Variants in COL4A2 observed in about 807,000 individuals in gnomAD.
COL4A2 encodes the protein collagen alpha-2(IV) chain.
COL4A2 carries 99 observed loss-of-function variants against 200.2 expected under a neutral mutation model. The observed-to-expected ratio is 0.49, with a 90% CI of 0.42 to 0.58. COL4A2 has a LOEUF of 0.58. COL4A2 is among the 20% of genes least tolerant of loss of function. The pLI, the probability that COL4A2 is intolerant of heterozygous loss-of-function variation, is 0.00. For synonymous variants in COL4A2, 897 were observed against 900.6 expected (o/e 1.00, Z 0.07); for missense variants, 1,950 against 2,314.1 (o/e 0.84, Z 3.23).
At chr13:110,325,050 G>A (rs370285433) in intron 3 of COL4A2, among the ~76,000 whole-genome samples, 12 of 152,338 alleles carry the variant, frequency 7.9e-5, no homozygotes, top group African/African-American at 4.8e-5. Context: ...ACATGCACAA[G>A]GAGGATGGGG....
intron 3 of COL4A2, among the ~76,000 whole-genome samples, chr13:110,350,506 T>A (rs1341782983): frequency 6.6e-6 from 1 of 152,094 alleles, no homozygotes; most frequent in African/African-American, 2.4e-5. Context: ...CAAAGCAAGG[T>A]CCAAGGGCCA....
Position 110,506,603 on chromosome 13 carries a change from C to T in COL4A2, c.4591C>T (p.Leu1531=), listed in dbSNP as rs1883892472. Residue 1531 remains leucine (L), a synonymous_variant, in exon 46 of 48, where the codon CTG becomes TTG. Transcript: ENST00000360467. ...EGQEKAHNQD[L]GLAGSCLARF... ...CCAGGAGAAGGCGCACAACCAGGAC[C>T]TGGGTAGGTACCTCCCACCCGGCCC... 4 of 1,607,692 alleles carry T rather than the reference C, an allele frequency of 2.5e-6. No individual in the cohort carries two copies. The highest frequency in any genetic ancestry group is 2.7e-5 in the African/African-American group (2 of 74,862).
chr13:110,381,857 C>A (rs183385280), intron 4 of COL4A2, among the ~76,000 whole-genome samples: 65 of 152,264 alleles, frequency 4.3e-4, no homozygotes, highest in Non-Finnish European at 3.4e-4. Context: ...GTGATGATAA[C>A]CCCACTCCCT....
intron 30 of COL4A2, among the ~76,000 whole-genome samples, chr13:110,479,189 T>A (rs1432136888): frequency 1.3e-5 from 2 of 152,122 alleles, no homozygotes; most frequent in Non-Finnish European, 1.5e-5. Flanking sequence ...GAACACAGCG[T>A]CGTGTGGTGC....
intron 3 of COL4A2, among the ~76,000 whole-genome samples, chr13:110,335,041 C>T (rs768570231): frequency 6.6e-6 from 1 of 152,110 alleles, no homozygotes; most frequent in Non-Finnish European, 1.5e-5. Context: ...GCCCTGATCC[C>T]TGGGCATCTT....
chr13:110,419,567 G>A (rs1448351207), intron 4 of COL4A2, among the ~76,000 whole-genome samples: 2 of 152,204 alleles, frequency 1.3e-5, no homozygotes, highest in African/African-American at 4.8e-5. Flanking sequence ...TCTTTTCTCA[G>A]AAGTGAAATT....
chr13:110,381,358 C>T (rs1878485819), intron 4 of COL4A2, among the ~76,000 whole-genome samples: 1 of 152,278 alleles, frequency 6.6e-6, no homozygotes, highest in South Asian at 2.1e-4. Flanking sequence ...CTGGCGTCCC[C>T]TTTCCTTGAC....
At chr13:110,349,688 G>A (rs58900271) in intron 3 of COL4A2, among the ~76,000 whole-genome samples, 13,223 of 152,124 alleles carry the variant, frequency 0.087, 1,904 homozygotes, top group African/African-American at 0.3. Flanking sequence ...ACTCACCAAG[G>A]AATCTAGATT....
chr13:110,466,740 G>A (rs904005996), intron 26 of COL4A2, among the ~76,000 whole-genome samples: 3 of 152,178 alleles, frequency 2.0e-5, no homozygotes, highest in Admixed American at 6.5e-5. Flanking sequence ...AGATTAACTC[G>A]GTTTGCACCC....
intron 4 of COL4A2, among the ~76,000 whole-genome samples, chr13:110,388,859 T>G (rs1673067786): frequency 6.6e-6 from 1 of 152,220 alleles, no homozygotes; most frequent in African/African-American, 2.4e-5. Flanking sequence ...CCTCGTGTGA[T>G]CCCACAGGCC....
Position 110,465,014 on chromosome 13 carries a change from A to T in COL4A2, c.1777-391A>T, listed in dbSNP as rs1364880970. On this transcript the variant is annotated intron_variant, in intron 24 of 47. Coordinates refer to ENST00000360467, the MANE Select transcript of COL4A2 (RefSeq NM_001846.4). The stretch of plus-strand genomic sequence containing the variant: ...TAACAACGTAGCATCTCTTAAAATA[A>T]CAGCCATTTTACCGATGCTAAATTA... 2.0e-5 allele frequency among the ~76,000 whole-genome samples: 3 copies of T among 152,228 alleles called. No individual in the cohort carries two copies. In the East Asian group the frequency reaches 5.8e-4, roughly 29 times the overall value.
intron 3 of COL4A2, among the ~76,000 whole-genome samples, chr13:110,315,794 A>C (rs559003227): frequency 5.1e-4 from 78 of 152,288 alleles, no homozygotes; most frequent in South Asian, 8.3e-4. Context: ...TCATGGAATG[A>C]TTCATGGGTA....
In COL4A2 at chr13:110,503,296, T is replaced by C. The variant is rs1310754074; in HGVS notation, c.4039+14T>C. ...CAGGAGAAAAAGGTAACAGTGCCCA[T>C]GGCCATGGGCCAGCAGCCCTGGCCA... On this transcript the variant is annotated intron_variant, in intron 42 of 47. Transcript: ENST00000360467. 1 of 1,599,302 alleles carries C rather than the reference T, an allele frequency of 6.3e-7. No homozygotes were observed. Among genetic ancestry groups the C allele is most frequent in the Non-Finnish European group, 8.5e-7 (1 of 1,173,690 alleles).
chr13:110,491,394 C>A, intron 37 of COL4A2, 54 bp downstream of exon 37: 2 of 1,243,714 alleles, frequency 1.6e-6, no homozygotes, highest in Non-Finnish European at 2.3e-6. Flanking sequence ...CCGGAGACCC[C>A]AGAACAAAGG....
intron 4 of COL4A2, among the ~76,000 whole-genome samples, chr13:110,390,368 C>T (rs995115911): frequency 3.9e-5 from 6 of 152,228 alleles, no homozygotes; most frequent in Non-Finnish European, 7.3e-5. Flanking sequence ...CCAAAGGTCA[C>T]GCAGTGACCC....
Position 110,511,950 on chromosome 13 carries a change from A to G in COL4A2, c.4898A>G (p.Asp1633Gly), listed in dbSNP as rs1409172276. 1.2e-6 allele frequency: 2 copies of G among 1,613,434 alleles called. No individual in the cohort carries two copies. The highest frequency in any genetic ancestry group is 2.7e-5 in the African/African-American group (2 of 75,028). Residue 1633 changes from aspartate to glycine, a missense_variant, in exon 48 of 48, where the codon GAC becomes GGC. Asp to Gly is a moderately conservative substitution (Grantham distance 94). Around this residue, in one of 2 missense-constraint regions of COL4A2, gnomAD observed 1,385 missense variants for 1,720.5 expected, o/e 0.80. Coordinates refer to ENST00000360467, the MANE Select transcript of COL4A2 (RefSeq NM_001846.4). Reference sequence around the variant, plus strand: ...TCTGTGCAGCACACGGCGGCGGGAGACGAAGGCGGTGGCCAATCACTGGTG... The same window carrying G: ...TCTGTGCAGCACACGGCGGCGGGAGGCGAAGGCGGTGGCCAATCACTGGTG... ...YSFLMHTAAG[D>G]EGGGQSLVSP...
intron 3 of COL4A2, among the ~76,000 whole-genome samples, chr13:110,352,831 C>G (rs1250952886): frequency 6.6e-6 from 1 of 152,172 alleles, no homozygotes. Context: ...GCCTTGAGTC[C>G]TTTCCTGCCT....
chr13:110,345,046 A>G (rs1472685720), intron 3 of COL4A2, among the ~76,000 whole-genome samples: 1 of 152,158 alleles, frequency 6.6e-6, no homozygotes, highest in African/African-American at 2.4e-5. Context: ...AAACAGTCAT[A>G]TACTGTGTTA....
intron 29 of COL4A2, among the ~76,000 whole-genome samples, chr13:110,474,650 GCATGCTCACACATGAT>G (rs1882608802): frequency 6.6e-6 from 1 of 151,906 alleles, no homozygotes; most frequent in African/African-American, 2.4e-5. Flanking sequence ...ACGTGCCTAT[GCATGCTCACACATGAT>G]CACACTCCTT....
Sources: gnomAD v4.1 joint callset for allele counts (sites outside exome capture counted in the v4.1 genomes callset) on GRCh38, gnomAD v4.1.1 for gene constraint, gnomAD v4.1.1 regional missense constraint, MANE v1.5 for transcripts, NCBI Gene and HGNC (gene_info 2026-07-23, HGNC 2026-07-21) for gene names.